The following SCAPER variants were observed in gnomAD, a reference collection of about 807,000 sequenced individuals.
SCAPER encodes S-phase cyclin A associated protein in the ER, also known as S phase cyclin A-associated protein in the endoplasmic reticulum.
SCAPER carries 98 observed loss-of-function variants against 182.2 expected under a neutral mutation model. That is an observed-to-expected ratio of 0.54 (90% confidence interval 0.46 to 0.64). The LOEUF (loss-of-function observed/expected upper bound fraction) is 0.64. Ranked by LOEUF, SCAPER falls within the 30% of genes least tolerant of loss-of-function variation. SCAPER has a pLI of 0.00. For synonymous variants in SCAPER, 605 were observed against 564.6 expected (o/e 1.07, Z -1.01); for missense variants, 1,432 against 1,690.0 (o/e 0.85, Z 2.68).
At chr15:76,710,334 T>C (rs1227591877) in intron 17 of SCAPER, among the ~76,000 whole-genome samples, 1 of 152,166 alleles carries the variant, frequency 6.6e-6, no homozygotes, top group African/African-American at 2.4e-5. Context: ...CCCCAACTTA[T>C]AATCGTTCAA....
intron 22 of SCAPER, among the ~76,000 whole-genome samples, chr15:76,611,937 T>G (rs1442123986): frequency 2.0e-5 from 3 of 152,134 alleles, no homozygotes; most frequent in Admixed American, 6.6e-5. Context: ...ATTGGAGGAA[T>G]ATACCTCAAA....
At chr15:76,834,368 T>C (rs896467013) in intron 5 of SCAPER, among the ~76,000 whole-genome samples, 4 of 152,206 alleles carry the variant, frequency 2.6e-5, no homozygotes, top group African/African-American at 7.2e-5. Context: ...GGAAAGTTTA[T>C]AGCACTAAAT....
intron 22 of SCAPER, among the ~76,000 whole-genome samples, chr15:76,609,297 G>C (rs917939309): frequency 1.3e-5 from 2 of 151,392 alleles, no homozygotes; most frequent in Non-Finnish European, 2.9e-5. Context: ...GATCAGCCTG[G>C]GCAACAATAC....
At chr15:76,628,972 T>C (rs547562395) in intron 21 of SCAPER, among the ~76,000 whole-genome samples, 4 of 152,382 alleles carry the variant, frequency 2.6e-5, no homozygotes, top group African/African-American at 9.6e-5. Flanking sequence ...TAATTCTCCT[T>C]GAAGAGGTCC....
chr15:76,839,214 A>G (rs550204122), intron 5 of SCAPER, among the ~76,000 whole-genome samples: 1 of 152,356 alleles, frequency 6.6e-6, no homozygotes, highest in African/African-American at 2.4e-5. Flanking sequence ...TGAATTACAT[A>G]TATGTGTTAT....
chr15:76,705,574 T>C (rs1598277276), intron 18 of SCAPER, among the ~76,000 whole-genome samples: 1 of 148,136 alleles, frequency 6.8e-6, no homozygotes, highest in Non-Finnish European at 1.5e-5. Context: ...CACAAGAAGA[T>C]GGCTTTTAGG....
intron 22 of SCAPER, among the ~76,000 whole-genome samples, chr15:76,615,217 G>C (rs187241170): frequency 2.6e-4 from 40 of 152,070 alleles, no homozygotes; most frequent in Non-Finnish European, 3.1e-4. Flanking sequence ...GCTGAGGGGG[G>C]GCGGATTGCT....
rs1385015141 is a variant in SCAPER at position 76,771,833 on chromosome 15, G to T, written c.1157C>A (p.Ala386Asp). ...ATTTACTTGTAAAGGAGGTGTACCAGCTTGCAGCATAACTGAAACACACTC... is the reference window on the plus strand; with the variant it reads ...ATTTACTTGTAAAGGAGGTGTACCATCTTGCAGCATAACTGAAACACACTC... The part of the protein sequence containing the change: ...DTECVSVMLQ[A>D]GTPPLQVNEE... The change falls in exon 10 of 32, where the codon GCT (alanine) becomes GAT (aspartate). Residue 386 changes from alanine to aspartate, a missense_variant. By Grantham distance (126) the Ala-to-Asp change is moderately radical (BLOSUM62 -2). Coordinates refer to ENST00000563290, the MANE Select transcript of SCAPER (RefSeq NM_020843.4). 2 of 1,613,210 alleles carry T rather than the reference G, an allele frequency of 1.2e-6. No individual in the cohort carries two copies. Among genetic ancestry groups the T allele is most frequent in the Non-Finnish European group, 1.7e-6 (2 of 1,179,418 alleles).
At chr15:76,440,870 T>C (rs765000453) in intron 25 of SCAPER, among the ~76,000 whole-genome samples, 1 of 151,288 alleles carries the variant, frequency 6.6e-6, no homozygotes, top group Non-Finnish European at 1.5e-5. Context: ...TGGCTAGTAG[T>C]TCCTCACTAT....
intron 21 of SCAPER, among the ~76,000 whole-genome samples, chr15:76,662,761 T>C (rs1384825189): frequency 3.3e-5 from 5 of 152,216 alleles, no homozygotes; most frequent in Middle Eastern, 3.4e-3. Flanking sequence ...AGGCTATCTA[T>C]AGAAAAATAA....
At chr15:76,450,656 C>G (rs573035361) in intron 25 of SCAPER, among the ~76,000 whole-genome samples, 14 of 152,132 alleles carry the variant, frequency 9.2e-5, no homozygotes, top group African/African-American at 2.9e-4. Flanking sequence ...CTGGTTCAAA[C>G]GATTCTCGTG....
In SCAPER at chr15:76,597,393, G is replaced by T. The variant is rs1236747739; in HGVS notation, c.2712-23109C>A. ...GCCACACTGCCAAAAGTAATTTACA[G>T]ATTCAGTGGTATCCCCATCAACCTA... On this transcript the variant is annotated intron_variant, in intron 22 of 31. Transcript: ENST00000563290. 1.6e-5 allele frequency among the ~76,000 whole-genome samples: 2 copies of T among 121,796 alleles called. 1 individual carries two copies. Among genetic ancestry groups the T allele is most frequent in the Non-Finnish European group, 4.0e-5 (2 of 50,044 alleles). 79.9% of individuals were successfully genotyped at this position (121,796 alleles called of 152,430 possible).
At position 76,602,015 on chromosome 15, in the gene SCAPER, C is replaced by T. The variant is rs182224736; in HGVS notation, c.2711+19749G>A. On this transcript the variant is annotated intron_variant, in intron 22 of 31. Transcript: ENST00000563290. ...TCCTGAGAATACTACATTTTCAATCCGTGTTTGGTTGAAAACATCTGCATA... is the reference window on the plus strand; with the variant it reads ...TCCTGAGAATACTACATTTTCAATCTGTGTTTGGTTGAAAACATCTGCATA... 9.1e-5 allele frequency among the ~76,000 whole-genome samples: 11 copies of T among 121,192 alleles called. 4 individuals carry two copies. Among genetic ancestry groups the T allele is most frequent in the Admixed American group, 5.7e-4 (6 of 10,540 alleles). 79.5% of individuals were successfully genotyped at this position (121,192 alleles called of 152,430 possible).
intron 23 of SCAPER, among the ~76,000 whole-genome samples, chr15:76,563,647 T>TC (rs915109041): frequency 2.6e-5 from 4 of 151,872 alleles, no homozygotes; most frequent in East Asian, 1.9e-4. Context: ...GAGGAGGGAC[T>TC]CCCCCCCAGT....
chr15:76,422,406 G>T (rs529238968), intron 26 of SCAPER, among the ~76,000 whole-genome samples: 5 of 152,170 alleles, frequency 3.3e-5, no homozygotes, highest in African/African-American at 4.8e-5. Flanking sequence ...TCACTCATGA[G>T]TTGGCTCTCT....
At chr15:76,589,306 G>A (rs2048930336) in intron 22 of SCAPER, among the ~76,000 whole-genome samples, 1 of 152,126 alleles carries the variant, frequency 6.6e-6, no homozygotes, top group South Asian at 2.1e-4. Flanking sequence ...TTTGTCTTCA[G>A]CTACCAGGGT....
Position 76,728,786 on chromosome 15 carries a change from A to G in SCAPER, c.2023-49T>C, listed in dbSNP as rs760268591. Reference sequence around the variant, plus strand: ...CAATATTAGAATTATGTGTAAAATAAAAATGATTCAAAGTAATATACCTTT... The same window carrying G: ...CAATATTAGAATTATGTGTAAAATAGAAATGATTCAAAGTAATATACCTTT... On this transcript the variant is annotated intron_variant, in intron 16 of 31. Coordinates refer to ENST00000563290, the MANE Select transcript of SCAPER (RefSeq NM_020843.4). The G allele has an allele frequency of 7.1e-6, 11 of 1,542,860 alleles. 1 individual carries two copies. In the South Asian group the frequency reaches 1.3e-4, roughly 19 times the overall value.
rs925486436 is a variant in SCAPER, at chr15:76,533,953, T to G, written c.2839-28979A>C. ...AAAATTACCATTTCCATTGCTGGAA[T>G]AGTTTCTTCTCATCCTTCAGCCACT... On this transcript the variant is annotated intron_variant, in intron 23 of 31. Coordinates refer to ENST00000563290, the MANE Select transcript of SCAPER (RefSeq NM_020843.4). Among the ~76,000 whole-genome samples, 4 of 152,260 alleles carry G rather than the reference T, an allele frequency of 2.6e-5. No homozygotes were observed. The East Asian group carries it at 7.7e-4, about 29-fold the overall frequency.
intron 2 of SCAPER, among the ~76,000 whole-genome samples, chr15:76,872,531 G>A (rs2072801072): frequency 6.6e-6 from 1 of 151,954 alleles, no homozygotes; most frequent in Non-Finnish European, 1.5e-5. Context: ...ATAAACGTCA[G>A]TAAACAGTGG....
Sources: allele counts gnomAD v4.1 joint callset (sites outside exome capture counted in the v4.1 genomes callset), GRCh38; gene constraint gnomAD v4.1.1; transcripts MANE v1.5; gene names NCBI Gene and HGNC (gene_info 2026-07-23, HGNC 2026-07-21).